Variants in SLF1 observed in about 807,000 individuals in gnomAD.
SLF1 encodes SMC5-SMC6 complex localization factor protein 1.
SLF1 carries 105 observed loss-of-function variants against 123.0 expected under a neutral mutation model. The observed-to-expected ratio is 0.85, with a 90% CI of 0.73 to 1.00. SLF1 has a LOEUF of 1.00. Among genes scored for constraint, SLF1 ranks in the 50% least tolerant of loss-of-function variants. The pLI is 0.00. For synonymous variants in SLF1, 434 were observed against 406.6 expected (o/e 1.07, Z -0.81); for missense variants, 1,239 against 1,223.0 (o/e 1.01, Z -0.20).
At chr5:94,646,755 GTA>G (rs1275725738) in intron 5 of SLF1, among the ~76,000 whole-genome samples, 2 of 152,190 alleles carry the variant, frequency 1.3e-5, no homozygotes, top group African/African-American at 4.8e-5. Flanking sequence ...CATTTATAAT[GTA>G]GCACTGTGAC....
intron 9 of SLF1, among the ~76,000 whole-genome samples, chr5:94,659,280 A>G (rs930705251): frequency 1.4e-4 from 21 of 151,418 alleles, no homozygotes; most frequent in Admixed American, 7.9e-4. Flanking sequence ...GTACTTTTCT[A>G]TCTCACTGAG....
chr5:94,668,912 T>G (rs1750121828), intron 12 of SLF1, among the ~76,000 whole-genome samples: 1 of 152,228 alleles, frequency 6.6e-6, no homozygotes, highest in Admixed American at 6.5e-5. Context: ...TCTTTAAACT[T>G]CCCTCTTACA....
intron 10 of SLF1, among the ~76,000 whole-genome samples, chr5:94,662,745 A>G (rs1749278361): frequency 7.0e-6 from 1 of 143,776 alleles, no homozygotes; most frequent in Non-Finnish European, 1.5e-5. Context: ...TCATTTCAGA[A>G]CAAAATAAAC....
At chr5:94,689,379 A>C (rs908837583) in intron 17 of SLF1, 94 bp from the exon 18 acceptor site, 6 of 1,306,046 alleles carry the variant, frequency 4.6e-6, no homozygotes, top group Non-Finnish European at 6.2e-6. Flanking sequence ...GTTTAAATTA[A>C]AAGGGGGCTA....
At chr5:94,652,343 C>T (rs1159611428) in intron 7 of SLF1, among the ~76,000 whole-genome samples, 1 of 152,132 alleles carries the variant, frequency 6.6e-6, no homozygotes, top group Non-Finnish European at 1.5e-5. Flanking sequence ...CCCTTTCTCC[C>T]TCTTACCTAG....
intron 4 of SLF1, among the ~76,000 whole-genome samples, chr5:94,634,725 T>C (rs1405682119): frequency 2.6e-5 from 4 of 152,188 alleles, no homozygotes; most frequent in African/African-American, 9.7e-5. Context: ...TCTCGATACC[T>C]TCACTAATAA....
At chr5:94,640,103 C>G (rs1322529866) in intron 4 of SLF1, among the ~76,000 whole-genome samples, 1 of 152,136 alleles carries the variant, frequency 6.6e-6, no homozygotes, top group Non-Finnish European at 1.5e-5. Flanking sequence ...GCATTAGTTT[C>G]TTTGTGTAGC....
intron 20 of SLF1, among the ~76,000 whole-genome samples, chr5:94,694,630 C>T (rs1753388492): frequency 6.6e-6 from 1 of 151,532 alleles, no homozygotes; most frequent in Admixed American, 6.6e-5. Flanking sequence ...TTGGGGAAAC[C>T]TTATTAGGTA....
intron 1 of SLF1, among the ~76,000 whole-genome samples, chr5:94,627,707 A>G (rs1028346115): frequency 2.7e-5 from 4 of 149,692 alleles, no homozygotes; most frequent in African/African-American, 9.8e-5. Flanking sequence ...CATGAGTTCT[A>G]TTAACTTCTC....
At chr5:94,677,305 C>T (rs1351612241) in intron 14 of SLF1, among the ~76,000 whole-genome samples, 3 of 152,034 alleles carry the variant, frequency 2.0e-5, no homozygotes, top group Non-Finnish European at 2.9e-5. Flanking sequence ...ATTCCTGTTA[C>T]TTGTCGTCTA....
chr5:94,671,523 A>T (rs1030437663), intron 14 of SLF1, among the ~76,000 whole-genome samples: 2 of 151,842 alleles, frequency 1.3e-5, no homozygotes, highest in African/African-American at 4.8e-5. Flanking sequence ...ATATAGCAAC[A>T]TAACTTTGGC....
At position 94,651,758 on chromosome 5, in the gene SLF1, C is replaced by CA. The variant is rs1561442211; in HGVS notation, c.801dup (p.Glu268ArgfsTer8). 4 of 1,524,776 alleles carry CA rather than the reference C, an allele frequency of 2.6e-6. No homozygotes were observed. Among genetic ancestry groups the CA allele is most frequent in the Admixed American group, 2.2e-5 (1 of 46,496 alleles). The allele number at this position is 1,524,776 out of a possible 1,614,324, so 94.5% of individuals were successfully genotyped here. ...TTGGTTCTATTTTGATTCAACATCA[C>CA]AAAAAAGAAAAATTCAGTGGTTCCA... On this transcript the variant is annotated frameshift_variant, in exon 7 of 21. Coordinates refer to ENST00000265140, the MANE Select transcript of SLF1 (RefSeq NM_032290.4). LOFTEE classifies it high-confidence loss of function.
At chr5:94,633,968 C>T (rs1269461622) in intron 4 of SLF1, among the ~76,000 whole-genome samples, 1 of 152,054 alleles carries the variant, frequency 6.6e-6, no homozygotes, top group African/African-American at 2.4e-5. Context: ...ATTAGTTGCC[C>T]CCAAGCATTG....
At chr5:94,619,298 T>A (rs1048632120) in intron 1 of SLF1, among the ~76,000 whole-genome samples, 18 of 151,490 alleles carry the variant, frequency 1.2e-4, no homozygotes, top group African/African-American at 2.9e-4. Context: ...TTTTTTTTTT[T>A]AAACTGCTAA....
At chr5:94,671,442 G>A (rs759002351) in intron 14 of SLF1, among the ~76,000 whole-genome samples, 71 of 151,514 alleles carry the variant, frequency 4.7e-4, no homozygotes, top group Admixed American at 1.4e-3. Flanking sequence ...TTTATAAGTT[G>A]ATTTTGCCTG....
chr5:94,635,954 T>C (rs1296629739), intron 4 of SLF1, among the ~76,000 whole-genome samples: 2 of 152,220 alleles, frequency 1.3e-5, no homozygotes, highest in African/African-American at 2.4e-5. Flanking sequence ...AAGAACTTTC[T>C]TTCATAATTC....
intron 15 of SLF1, among the ~76,000 whole-genome samples, chr5:94,683,308 C>T (rs1752037959): frequency 6.6e-6 from 1 of 152,046 alleles, no homozygotes; most frequent in Non-Finnish European, 1.5e-5. Context: ...CTGTTCTCTT[C>T]GTTTATTCAG....
At chr5:94,688,472 G>A in intron 16 of SLF1, 34 bp from the exon 17 acceptor site, 1 of 1,592,894 alleles carries the variant, frequency 6.3e-7, no homozygotes, top group Non-Finnish European at 8.6e-7. Context: ...TGTTTTTGTA[G>A]TTGAGAAAAT....
intron 12 of SLF1, among the ~76,000 whole-genome samples, chr5:94,666,625 A>C (rs1749788222): frequency 6.6e-6 from 1 of 151,986 alleles, no homozygotes; most frequent in African/African-American, 2.4e-5. Context: ...GATAACCCTT[A>C]TTCTTCTGGG....
Sources: gnomAD v4.1 joint callset for allele counts (sites outside exome capture counted in the v4.1 genomes callset) on GRCh38, gnomAD v4.1.1 for gene constraint, MANE v1.5 for transcripts, NCBI Gene and HGNC (gene_info 2026-07-23, HGNC 2026-07-21) for gene names.